The following CACNA1A variants were observed in gnomAD, a reference collection of about 807,000 sequenced individuals.
CACNA1A encodes calcium voltage-gated channel subunit alpha1 A.
Under a neutral mutation model 262.4 loss-of-function variants are expected in CACNA1A, and 57 were observed. The ratio of observed to expected loss-of-function variants is 0.22; its 90% confidence interval spans 0.18 to 0.27. CACNA1A has a LOEUF of 0.27. Ranked by LOEUF, CACNA1A falls within the 10% of genes least tolerant of loss-of-function variation. The pLI is 1.00. For missense variants in CACNA1A, 2,526 were observed against 3,562.8 expected (o/e 0.71, Z 7.41); for synonymous variants, 1,431 against 1,419.3 (o/e 1.01, Z -0.18).
chr19:13,319,609 G>A (rs1007149433), intron 10 of CACNA1A, among the ~76,000 whole-genome samples: 3 of 152,098 alleles, frequency 2.0e-5, no homozygotes, highest in African/African-American at 7.2e-5. Flanking sequence ...ATTTTGAGTT[G>A]GCACCCTAGG....
chr19:13,353,107 C>G (rs904034866), intron 6 of CACNA1A, among the ~76,000 whole-genome samples: 6 of 150,452 alleles, frequency 4.0e-5, no homozygotes, highest in African/African-American at 1.5e-4. Flanking sequence ...GTTTCTCCCA[C>G]TCATCATTTT....
At chr19:13,423,730 G>T (rs2060354485) in intron 3 of CACNA1A, among the ~76,000 whole-genome samples, 4 of 151,824 alleles carry the variant, frequency 2.6e-5, no homozygotes, top group Admixed American at 6.6e-5. Context: ...GCCCAGTCTG[G>T]TCTCAAACTC....
chr19:13,334,561 TTGTGTGTGTG>T (rs1196739807), intron 7 of CACNA1A, 68 bp from the exon 8 acceptor site: 5 of 312,724 alleles, frequency 1.6e-5, no homozygotes, highest in Middle Eastern at 7.2e-4. Context: ...GTGTGTGTGT[TTGTGTGTGTG>T]TGTGTGTGTG....
At chr19:13,412,514 G>A (rs933155390) in intron 3 of CACNA1A, among the ~76,000 whole-genome samples, 1 of 147,678 alleles carries the variant, frequency 6.8e-6, no homozygotes, top group Non-Finnish European at 1.5e-5. Flanking sequence ...GTCTCACTCT[G>A]TCACCCAGGC....
At chr19:13,393,909 A>G (rs1388680879) in intron 3 of CACNA1A, among the ~76,000 whole-genome samples, 6 of 150,806 alleles carry the variant, frequency 4.0e-5, no homozygotes, top group Non-Finnish European at 8.8e-5. Context: ...TCTGCCTCCC[A>G]GATTCAAGTG....
At chr19:13,270,697 G>A (rs1458774573) in intron 24 of CACNA1A, among the ~76,000 whole-genome samples, 3 of 152,340 alleles carry the variant, frequency 2.0e-5, no homozygotes, top group Non-Finnish European at 4.4e-5. Flanking sequence ...TGCTGGGCCT[G>A]CAGCCCTGCC....
intron 6 of CACNA1A, 22 bp downstream of exon 6, chr19:13,359,584 A>G: frequency 6.3e-7 from 1 of 1,588,342 alleles, no homozygotes; most frequent in Non-Finnish European, 8.6e-7. Flanking sequence ...TTGTCCACAC[A>G]CACTGTCCCA....
Position 13,210,630 on chromosome 19 carries a change from C to A in CACNA1A, c.6326G>T (p.Gly2109Val), listed in dbSNP as rs868808043. Residue 2109 changes from glycine (G) to valine (V), a missense_variant, in exon 44 of 47, where the codon GGG (glycine) becomes GTG (valine). Coordinates refer to ENST00000360228, the MANE Select transcript of CACNA1A (RefSeq NM_001127222.2). ...ENQRRRGRPRGNNLSTISDTS... is the reference protein window; with the variant it reads ...ENQRRRGRPRVNNLSTISDTS... ...CGCGGTACATACACTGAGGTTATTC[C>A]CACGTGGCCGGCCCCTTCTCCTCTG... The A allele has an allele frequency of 6.4e-7, 1 of 1,565,138 alleles. No individual in the cohort carries two copies. The highest frequency in any genetic ancestry group is 2.4e-5 in the East Asian group (1 of 42,108).
chr19:13,269,250 T>C (rs1049085534), intron 24 of CACNA1A, among the ~76,000 whole-genome samples: 3 of 152,230 alleles, frequency 2.0e-5, no homozygotes, highest in African/African-American at 7.2e-5. Flanking sequence ...CTTCTGGACA[T>C]CACTGCATTT....
intron 6 of CACNA1A, among the ~76,000 whole-genome samples, chr19:13,354,879 T>C (rs963934625): frequency 0.12 from 9,849 of 85,190 alleles, 477 homozygotes; most frequent in Non-Finnish European, 0.17. Flanking sequence ...CTTTTTTTTT[T>C]TTTTTTTTTT....
At position 13,308,708 on chromosome 19, in the gene CACNA1A, A is replaced by G. The variant is rs1369475124; in HGVS notation, c.1669-180T>C. 3.8e-6 allele frequency: 2 copies of G among 529,326 alleles called. No individual in the cohort carries two copies. The highest frequency in any genetic ancestry group is 3.8e-5 in the African/African-American group (2 of 52,354). 32.8% of individuals were successfully genotyped at this position (529,326 alleles called of 1,614,324 possible). ...CATTTATCTATAGAGACCGGGTCTCACTGTGTCACCCAGGCTGGAGTGCAG... is the reference window on the plus strand; with the variant it reads ...CATTTATCTATAGAGACCGGGTCTCGCTGTGTCACCCAGGCTGGAGTGCAG... On this transcript the variant is annotated intron_variant, in intron 12 of 46. Transcript: ENST00000360228. This position sits in a 1 kb window ranked among gnomAD's most constrained non-coding sequence, Gnocchi z 4.2.
In CACNA1A at chr19:13,308,737, C is replaced by T. The variant is rs1011794123; in HGVS notation, c.1669-209G>A. 5.3e-5 allele frequency: 26 copies of T among 486,502 alleles called. No individual in the cohort carries two copies. The highest frequency in any genetic ancestry group is 2.3e-4 in the African/African-American group (12 of 51,300). The allele number at this position is 486,502 out of a possible 1,614,324, so 30.1% of individuals were successfully genotyped here. A position where few individuals can be genotyped will look rare whatever the true frequency, so the allele number is the denominator to read the frequency against. ...TGTCACCCAGGCTGGAGTGCAGTGGCGCAATCATAGCTCACTGCAGCACTG... is the reference window on the plus strand; with the variant it reads ...TGTCACCCAGGCTGGAGTGCAGTGGTGCAATCATAGCTCACTGCAGCACTG... On this transcript the variant is annotated intron_variant, in intron 12 of 46. Transcript: ENST00000360228. This position sits in a 1 kb window ranked among gnomAD's most constrained non-coding sequence, Gnocchi z 4.2.
intron 10 of CACNA1A, among the ~76,000 whole-genome samples, chr19:13,325,057 T>A (rs1471519855): frequency 6.7e-6 from 1 of 149,852 alleles, no homozygotes; most frequent in Non-Finnish European, 1.5e-5. Flanking sequence ...CTCTTCCCCT[T>A]CCCCTTCCTC....
intron 3 of CACNA1A, among the ~76,000 whole-genome samples, chr19:13,414,488 C>A (rs1034671372): frequency 6.6e-6 from 1 of 152,070 alleles, no homozygotes; most frequent in Non-Finnish European, 1.5e-5. Flanking sequence ...GGTTTAAAAA[C>A]CAGGGAATGT....
At chr19:13,493,997 G>T (rs1271182333) in intron 1 of CACNA1A, among the ~76,000 whole-genome samples, 1 of 152,160 alleles carries the variant, frequency 6.6e-6, no homozygotes. Flanking sequence ...GTCAAAAATT[G>T]TCATAATAGC....
chr19:13,252,717 G>A (rs2056435281), intron 30 of CACNA1A: 1 of 241,182 alleles, frequency 4.1e-6, no homozygotes, highest in African/African-American at 2.2e-5. Context: ...TCTCTAAAAT[G>A]GATGCTAAAG....
chr19:13,207,855 C>T lies in CACNA1A; in HGVS notation c.6979G>A (p.Val2327Met). 1 of 1,443,032 alleles carries T rather than the reference C, an allele frequency of 6.9e-7. No individual in the cohort carries two copies. The highest frequency in any genetic ancestry group is 1.4e-5 in the South Asian group (1 of 74,026). The allele number at this position is 1,443,032 out of a possible 1,614,324, so 89.4% of individuals were successfully genotyped here. A position where few individuals can be genotyped will look rare whatever the true frequency, so the allele number is the denominator to read the frequency against. Residue 2327 changes from valine (V) to methionine (M), a missense_variant, in exon 47 of 47, where the codon GTG becomes ATG. Around this residue, in one of 17 missense-constraint regions of CACNA1A, gnomAD observed 929 missense variants for 868.1 expected, o/e 1.07. Coordinates refer to ENST00000360228, the MANE Select transcript of CACNA1A (RefSeq NM_001127222.2). This position sits in a 1 kb window ranked among gnomAD's most constrained non-coding sequence, Gnocchi z 5.7. ...QQQQQQQQQA[V>M]ARPGRAATSG... is the part of the protein sequence containing the mutation. ...GTGGCCGCCCGGCCCGGCCTGGCCA[C>T]CGCCTGCTGCTGCTGCTGCTGCTGC...
intron 4 of CACNA1A, among the ~76,000 whole-genome samples, chr19:13,367,925 G>A (rs1486323833): frequency 1.3e-5 from 2 of 152,062 alleles, no homozygotes; most frequent in African/African-American, 4.8e-5. Context: ...GAATTACTCT[G>A]GGCTTCAAAT....
chr19:13,434,057 C>A (rs937641654), intron 3 of CACNA1A, among the ~76,000 whole-genome samples: 3 of 152,194 alleles, frequency 2.0e-5, no homozygotes, highest in African/African-American at 7.2e-5. Context: ...GTTTTCTCAT[C>A]TGTAAAATGG....
Sources: allele counts gnomAD v4.1 joint callset (sites outside exome capture counted in the v4.1 genomes callset), GRCh38; gene constraint gnomAD v4.1.1; regional missense constraint gnomAD v4.1.1; non-coding constraint Gnocchi (gnomAD v3.1); transcripts MANE v1.5; gene names NCBI Gene and HGNC (gene_info 2026-07-23, HGNC 2026-07-21).